The following ITFG2 variants were observed in gnomAD, a reference collection of about 807,000 sequenced individuals.
ITFG2 encodes KICSTOR complex protein ITFG2.
A neutral mutation model predicts 54.4 loss-of-function variants in ITFG2; 36 were observed. That is an observed-to-expected ratio of 0.66 (90% CI 0.51 to 0.87). The LOEUF is 0.87. ITFG2 is among the 40% of genes least tolerant of loss of function. ITFG2 has a pLI of 0.00. For synonymous variants in ITFG2, 211 were observed against 225.4 expected, an observed-to-expected ratio of 0.94 and a Z score of 0.57; for missense variants, 524 against 576.7, an observed-to-expected ratio of 0.91 and a Z score of 0.94.
chr12:2,850,799 A>C (rs1164665887), intron 2 of ITFG2, among the ~76,000 whole-genome samples: 2 of 151,454 alleles, frequency 1.3e-5, no homozygotes, highest in African/African-American at 4.8e-5. Flanking sequence ...CAGCCTCCCA[A>C]GTAGCTGGGA....
In ITFG2 at chr12:2,821,762, G is replaced by A. The variant is rs779501908; in HGVS notation, c.918G>A (p.Gln306=). Reference sequence around the variant, plus strand: ...TGTGGTCAGTGCAGGTGGATCACCAGCTCTTTGCCCTGGAGAAACTGGATG... The same window carrying A: ...TGTGGTCAGTGCAGGTGGATCACCAACTCTTTGCCCTGGAGAAACTGGATG... ...KLLWSVQVDH[Q]LFALEKLDVT... is the part of the protein sequence containing the mutation. The change falls in exon 9 of 12, where the codon CAG becomes CAA. Residue 306 remains glutamine (Q), a synonymous_variant. Transcript: ENST00000228799. 1.9e-6 allele frequency: 3 copies of A among 1,613,976 alleles called. No homozygotes were observed. Among genetic ancestry groups the A allele is most frequent in the Non-Finnish European group, 2.5e-6 (3 of 1,180,016 alleles).
At chr12:2,836,400 C>A (rs1603484996), upstream of ITFG2, among the ~76,000 whole-genome samples, 1 of 152,208 alleles carries the variant, frequency 6.6e-6, no homozygotes, top group Admixed American at 6.5e-5. Flanking sequence ...GTGATTACCC[C>A]ACCTGAGCCC....
intron 2 of ITFG2, chr12:2,849,062 A>C (rs1451209527): frequency 3.0e-6 from 2 of 656,092 alleles, no homozygotes; most frequent in Non-Finnish European, 5.0e-6. Flanking sequence ...TTGAATCTCC[A>C]ATAGCCTGGG....
At chr12:2,842,677 A>G (rs2098044399) in intron 2 of ITFG2, among the ~76,000 whole-genome samples, 1 of 152,144 alleles carries the variant, frequency 6.6e-6, no homozygotes, top group Non-Finnish European at 1.5e-5. Flanking sequence ...GGCTACAGCG[A>G]GCCAAGATCA....
At chr12:2,835,252 A>T, upstream of ITFG2, 1 of 976,332 alleles carries the variant, frequency 1.0e-6, no homozygotes, top group Non-Finnish European at 1.2e-6. Context: ...TGCCCGTGCC[A>T]GGTGGTTTGC....
intron 3 of ITFG2, chr12:2,859,226 A>T: frequency 6.2e-7 from 1 of 1,613,234 alleles, no homozygotes; most frequent in Non-Finnish European, 8.5e-7. Flanking sequence ...CCCAGCGGGA[A>T]GTACTGGGCC....
rs747402889 is a variant in ITFG2 at position 2,824,122 on chromosome 12, C to T, written c.1273C>T (p.Leu425Phe). Residue 425 changes from leucine to phenylalanine, a missense_variant, in exon 12 of 12, where the codon CTT becomes TTT. Leu to Phe is a conservative substitution (Grantham distance 22). Coordinates refer to ENST00000228799, the MANE Select transcript of ITFG2 (RefSeq NM_018463.4). ...PDDLPVTRAL[L>F]HQTLYHPDQP... ...CGACCTCCCTGTGACTCGTGCCCTG[C>T]TTCACCAAACGCTCTACCATCCAGA... is the stretch of plus-strand genomic sequence containing the variant. 6.2e-7 allele frequency: 1 copy of T among 1,614,172 alleles called. No individual in the cohort carries two copies. Among genetic ancestry groups the T allele is most frequent in the Non-Finnish European group, 8.5e-7 (1 of 1,180,052 alleles).
intron 4 of ITFG2, 196 bp from the exon 5 acceptor site, chr12:2,819,890 G>C (rs1050769762): frequency 3.8e-6 from 2 of 531,218 alleles, no homozygotes; most frequent in Non-Finnish European, 6.4e-6. Flanking sequence ...GAGCGGATAG[G>C]AGCTGCGGAA....
intron 2 of ITFG2, chr12:2,830,168 A>C (rs1311654162): frequency 1.3e-5 from 2 of 152,174 alleles, no homozygotes; most frequent in Non-Finnish European, 2.9e-5. Flanking sequence ...GGGAAATCAG[A>C]AAAGGTTTCA....
chr12:2,845,282 C>G lies in ITFG2; in HGVS notation n.300+4287C>G, dbSNP rs150385778. 6.6e-6 allele frequency among the ~76,000 whole-genome samples: 1 copy of G among 151,988 alleles called. No homozygotes were observed. Among genetic ancestry groups the G allele is most frequent in the African/African-American group, 2.4e-5 (1 of 41,372 alleles). On this transcript the variant is annotated intron_variant and non_coding_transcript_variant, in intron 2 of 3. Transcript: ENST00000537710. This position sits in a 1 kb window ranked among gnomAD's most constrained non-coding sequence, Gnocchi z 4.2. ...ACTGTCTGCAGAGGGGATCTTGGCT[C>G]GAGTTTGTCATCTCAAGGAGCAGCT...
Position 2,823,830 on chromosome 12 carries a change from A to G in ITFG2, c.1127A>G (p.Gln376Arg). ...TGCCTCGTATATGTCACTTTCAACC[A>G]GAAGATCTATGTGTACTGGGAGGTG... ...SPCLVYVTFN[Q>R]KIYVYWEVQL... Residue 376 changes from glutamine (Q) to arginine (R), a missense_variant, in exon 11 of 12, where the codon CAG (glutamine) becomes CGG (arginine). Gln to Arg is a conservative substitution (Grantham distance 43). Coordinates refer to ENST00000228799, the MANE Select transcript of ITFG2 (RefSeq NM_018463.4). 1 of 1,609,744 alleles carries G rather than the reference A, an allele frequency of 6.2e-7. No individual in the cohort carries two copies.
chr12:2,852,948 C>T (rs1428456506), intron 2 of ITFG2, among the ~76,000 whole-genome samples: 1 of 151,464 alleles, frequency 6.6e-6, no homozygotes, highest in Non-Finnish European at 1.5e-5. Flanking sequence ...TGCAGTGAGC[C>T]AAGATCACAC....
intron 2 of ITFG2, among the ~76,000 whole-genome samples, chr12:2,853,395 C>T (rs2098077097): frequency 1.3e-5 from 2 of 152,148 alleles, no homozygotes; most frequent in Non-Finnish European, 2.9e-5. Flanking sequence ...GCCTCAGCCT[C>T]CTGAGTAGCT....
downstream of ITFG2, chr12:2,827,630 G>A (rs749294028): frequency 2.5e-6 from 4 of 1,614,186 alleles, no homozygotes; most frequent in South Asian, 4.4e-5. This position sits in a 1 kb window ranked among gnomAD's most constrained non-coding sequence, Gnocchi z 4.0. Context: ...CTTACCTTGA[G>A]AGAAAGCAGA....
chr12:2,816,983 G>A (rs1170422055), intron 1 of ITFG2, among the ~76,000 whole-genome samples: 1 of 152,060 alleles, frequency 6.6e-6, no homozygotes, highest in Non-Finnish European at 1.5e-5. Flanking sequence ...GTAGAAATGG[G>A]ATCTTGCCAT....
At chr12:2,847,843 A>G (rs1183777102) in intron 2 of ITFG2, among the ~76,000 whole-genome samples, 1 of 152,176 alleles carries the variant, frequency 6.6e-6, no homozygotes, top group Non-Finnish European at 1.5e-5. Context: ...TTCACTCAGC[A>G]TGATGTTTTC....
chr12:2,826,921 C>T, downstream of ITFG2: 1 of 1,189,484 alleles, frequency 8.4e-7, no homozygotes, highest in South Asian at 1.8e-5. Context: ...TGCTTAGGTT[C>T]CTATCTGTGG....
At chr12:2,817,971 T>G in intron 3 of ITFG2, 21 bp downstream of exon 3, 1 of 1,612,864 alleles carries the variant, frequency 6.2e-7, no homozygotes, top group South Asian at 1.1e-5. Flanking sequence ...TAGGGGACCT[T>G]CCTTGGTTCT....
upstream of ITFG2, chr12:2,835,028 G>A: frequency 6.7e-7 from 1 of 1,491,058 alleles, no homozygotes; most frequent in Admixed American, 2.4e-5. Context: ...GATTGCTGTA[G>A]AGGGAGTGAG....
Sources: allele counts gnomAD v4.1 joint callset (sites outside exome capture counted in the v4.1 genomes callset), GRCh38; gene constraint gnomAD v4.1.1; non-coding constraint Gnocchi (gnomAD v3.1); transcripts MANE v1.5; gene names NCBI Gene and HGNC (gene_info 2026-07-23, HGNC 2026-07-21).